Variants in AMZ1 observed in about 807,000 individuals in gnomAD.
The protein encoded by AMZ1 is archaemetzincin-1.
Under a neutral mutation model 29.9 loss-of-function variants are expected in AMZ1, and 39 were observed. That is an observed-to-expected ratio of 1.30 (90% CI 1.01 to 1.70). The LOEUF is 1.70. Ranked by LOEUF, AMZ1 falls within the 40% of genes most tolerant of loss-of-function variation. AMZ1 has a pLI of 0.00. For missense variants in AMZ1, 1,041 were observed against 680.6 expected (o/e 1.53, Z -5.89); for synonymous variants, 458 against 304.0 (o/e 1.51, Z -5.27).
chr7:2,756,988 C>T (rs1583245191), intron 4 of AMZ1, among the ~76,000 whole-genome samples: 1 of 152,082 alleles, frequency 6.6e-6, no homozygotes, highest in Admixed American at 6.5e-5. Flanking sequence ...GTGGAAGGTT[C>T]TCTTGAGCTG....
At chr7:2,747,473 C>T in intron 4 of AMZ1, among the ~76,000 whole-genome samples, 1 of 152,182 alleles carries the variant, frequency 6.6e-6, no homozygotes, top group East Asian at 1.9e-4. Flanking sequence ...ATTCAACAAC[C>T]TTCATGCTAA....
chr7:2,683,014 G>A (rs2115023768), intron 1 of AMZ1, among the ~76,000 whole-genome samples: 1 of 152,356 alleles, frequency 6.6e-6, no homozygotes, highest in East Asian at 1.9e-4. Flanking sequence ...GAGCAGGGCT[G>A]AGCTGCAGAG....
upstream of AMZ1, chr7:2,762,320 C>T (rs1003184146): frequency 1.3e-5 from 4 of 312,690 alleles, no homozygotes; most frequent in African/African-American, 4.3e-5. Flanking sequence ...TCACGCCAGG[C>T]GCTGCGCGAC....
At chr7:2,692,507 A>C (rs947446198) in intron 1 of AMZ1, among the ~76,000 whole-genome samples, 1 of 152,124 alleles carries the variant, frequency 6.6e-6, no homozygotes, top group East Asian at 1.9e-4. Flanking sequence ...GTGCCACTGC[A>C]CTCCAGCCTG....
At chr7:2,712,286 A>G in intron 6 of AMZ1, 44 bp from the exon 7 acceptor site, 1 of 1,502,208 alleles carries the variant, frequency 6.7e-7, no homozygotes, top group Non-Finnish European at 8.9e-7. Flanking sequence ...TGGCTAGACA[A>G]GGGCTGGCAC....
chr7:2,705,143 G>GC, intron 3 of AMZ1, among the ~76,000 whole-genome samples: 1 of 152,296 alleles, frequency 6.6e-6, no homozygotes, highest in African/African-American at 2.4e-5. Context: ...TTTGGCCTGG[G>GC]CCGATGTTTT....
intron 1 of AMZ1, among the ~76,000 whole-genome samples, chr7:2,698,848 C>T (rs1047651250): frequency 6.6e-6 from 1 of 152,120 alleles, no homozygotes; most frequent in African/African-American, 2.4e-5. Flanking sequence ...AAAAAGAAAT[C>T]AGGGTTAGTT....
At chr7:2,695,883 A>ATG (rs1265806111) in intron 1 of AMZ1, among the ~76,000 whole-genome samples, 1 of 151,068 alleles carries the variant, frequency 6.6e-6, no homozygotes, top group Non-Finnish European at 1.5e-5. Context: ...GGTGGCGGGC[A>ATG]CCTGTAGTCC....
chr7:2,694,656 A>G (rs923154640), intron 1 of AMZ1, among the ~76,000 whole-genome samples: 3 of 145,888 alleles, frequency 2.1e-5, no homozygotes, highest in Non-Finnish European at 3.0e-5. Context: ...TTAAAATCTC[A>G]TATATATAAT....
intron 4 of AMZ1, among the ~76,000 whole-genome samples, chr7:2,753,560 G>A (rs1377098768): frequency 3.3e-5 from 5 of 152,238 alleles, no homozygotes; most frequent in Middle Eastern, 6.8e-3. Flanking sequence ...TGGTCTGAAC[G>A]TGCCGCAGTT....
chr7:2,742,515 C>A (rs970430842), intron 4 of AMZ1, among the ~76,000 whole-genome samples: 1 of 152,186 alleles, frequency 6.6e-6, no homozygotes, highest in African/African-American at 2.4e-5. Flanking sequence ...GACTCACAGA[C>A]GCTGTCATTT....
rs138824803 is a variant in AMZ1, at chr7:2,752,764, G to A, written n.551-11948G>A. On this transcript the variant is annotated intron_variant and non_coding_transcript_variant, in intron 4 of 4. Transcript: ENST00000489665. ...TTTTCATCTTGAAATAATTATAGAT[G>A]CATAGGAAGTTGCAAAGATTGCCTA... Among the ~76,000 whole-genome samples, 13 of 152,228 alleles carry A rather than the reference G, an allele frequency of 8.5e-5. No homozygotes were observed. The East Asian group carries it at 1.9e-3, about 23-fold the overall frequency.
At chr7:2,710,429 G>A (rs1025887383) in intron 6 of AMZ1, among the ~76,000 whole-genome samples, 11 of 152,356 alleles carry the variant, frequency 7.2e-5, no homozygotes, top group Admixed American at 5.2e-4. Flanking sequence ...GTTATAAGGT[G>A]CTCACTGCGT....
intron 4 of AMZ1, among the ~76,000 whole-genome samples, chr7:2,745,680 G>C (rs1048279633): frequency 6.6e-6 from 1 of 152,076 alleles, no homozygotes; most frequent in African/African-American, 2.4e-5. Flanking sequence ...TATTAACTTT[G>C]AATGTAAATG....
chr7:2,753,309 A>G (rs1314896619), intron 4 of AMZ1, among the ~76,000 whole-genome samples: 1 of 152,148 alleles, frequency 6.6e-6, no homozygotes, highest in Non-Finnish European at 1.5e-5. Context: ...GCATGCCACC[A>G]CGATTGGCTA....
At chr7:2,706,132 T>A (rs35736244) in intron 3 of AMZ1, among the ~76,000 whole-genome samples, 9 of 152,158 alleles carry the variant, frequency 5.9e-5, no homozygotes, top group African/African-American at 2.2e-4. Context: ...CAGGTGGAAC[T>A]CAGAGGGTAT....
intron 4 of AMZ1, among the ~76,000 whole-genome samples, chr7:2,744,790 A>G (rs898009221): frequency 6.6e-6 from 1 of 152,188 alleles, no homozygotes; most frequent in African/African-American, 2.4e-5. Context: ...AGACAAATGG[A>G]TAACTAGAAT....
Position 2,681,114 on chromosome 7 carries a change from G to C in AMZ1, c.-219+1443G>C, listed in dbSNP as rs561081403. Among the ~76,000 whole-genome samples the C allele has an allele frequency of 3.9e-5, 6 of 152,374 alleles. No individual in the cohort carries two copies. The South Asian group carries it at 1.2e-3, about 32-fold the overall frequency. On this transcript the variant is annotated intron_variant, in intron 1 of 6. Transcript: ENST00000312371. ...AGAACTACGTTTCAGAGTTGAGGAT[G>C]CAGGGCTGGAGCGGGGCCATGGCTG...
rs1016238660 is a variant in AMZ1 at position 2,715,171 on chromosome 7, CAG to C, written c.*2296_*2297del. On this transcript the variant is annotated 3_prime_UTR_variant, in exon 7 of 7. Transcript: ENST00000683327. Reference sequence around the variant, plus strand: ...CCTTTCCTAACTCGGCCTCACGTCACAGAGCGTCACCTTTCCTGCACTCCACG... The same window carrying C: ...CCTTTCCTAACTCGGCCTCACGTCACAGCGTCACCTTTCCTGCACTCCACG... 2.0e-5 allele frequency: 3 copies of C among 152,268 alleles called. No homozygotes were observed. Among genetic ancestry groups the C allele is most frequent in the African/African-American group, 7.2e-5 (3 of 41,434 alleles). The allele number at this position is 152,268 out of a possible 1,614,324, so 9.4% of individuals were successfully genotyped here. A position where few individuals can be genotyped will look rare whatever the true frequency, so the allele number is the denominator to read the frequency against.
Sources: gnomAD v4.1 joint callset for allele counts (sites outside exome capture counted in the v4.1 genomes callset) on GRCh38, gnomAD v4.1.1 for gene constraint, MANE v1.5 for transcripts, NCBI Gene and HGNC (gene_info 2026-07-23, HGNC 2026-07-21) for gene names.